Variants in OTUD7A observed in about 807,000 individuals in gnomAD.
OTUD7A encodes the protein OTU deubiquitinase 7A.
In OTUD7A, 12 loss-of-function variants were observed where a neutral mutation model predicts 65.7. The ratio of observed to expected loss-of-function variants is 0.18; its 90% confidence interval spans 0.12 to 0.30. OTUD7A has a LOEUF of 0.30. Ranked by LOEUF, OTUD7A falls within the 10% of genes least tolerant of loss-of-function variation. OTUD7A has a pLI of 1.00. For synonymous variants in OTUD7A, 641 were observed against 586.3 expected, an observed-to-expected ratio of 1.09 and a Z score of -1.35; for missense variants, 1,148 against 1,304.8, an observed-to-expected ratio of 0.88 and a Z score of 1.85.
At chr15:31,797,610 T>C (rs928165351) in intron 1 of OTUD7A, among the ~76,000 whole-genome samples, 3 of 152,166 alleles carry the variant, frequency 2.0e-5, no homozygotes, top group Non-Finnish European at 4.4e-5. Flanking sequence ...ACAGCCCCCA[T>C]TCCTCAGGTG....
intron 1 of OTUD7A, among the ~76,000 whole-genome samples, chr15:31,785,242 C>T (rs905683351): frequency 4.6e-5 from 7 of 152,116 alleles, no homozygotes; most frequent in Non-Finnish European, 7.4e-5. Context: ...TACACACTGA[C>T]GCATGTAAAC....
Position 31,483,703 on chromosome 15 carries a change from A to G in OTUD7A, c.2393T>C (p.Leu798Pro). 8.7e-7 allele frequency: 1 copy of G among 1,150,958 alleles called. No homozygotes were observed. The allele number at this position is 1,150,958 out of a possible 1,614,324, so 71.3% of individuals were successfully genotyped here. A position where few individuals can be genotyped will look rare whatever the true frequency, so the allele number is the denominator to read the frequency against. The change falls in exon 13 of 13, where the codon CTG becomes CCG. Residue 798 changes from leucine to proline, a missense_variant. Physicochemically the swap from Leu to Pro is moderately conservative, Grantham distance 98. Transcript: ENST00000307050. ...DEACAPAVGA[L>P]RPCATYPQQN... ...CTGCGGGTACGTGGCGCACGGCCGCAGCGCCCCCACGGCCGGCGCGCACGC... is the reference window on the plus strand; with the variant it reads ...CTGCGGGTACGTGGCGCACGGCCGCGGCGCCCCCACGGCCGGCGCGCACGC...
rs193174937 is a variant in OTUD7A, at chr15:31,768,271, G to T, written c.-100+102236C>A. 4.1e-5 allele frequency: 30 copies of T among 738,300 alleles called. No individual in the cohort carries two copies. In the East Asian group the frequency reaches 4.8e-4, roughly 12 times the overall value. 45.7% of individuals were successfully genotyped at this position (738,300 alleles called of 1,614,324 possible). A position where few individuals can be genotyped will look rare whatever the true frequency, so the allele number is the denominator to read the frequency against. On this transcript the variant is annotated intron_variant, in intron 1 of 12. Transcript: ENST00000307050. Reference sequence around the variant, plus strand: ...CTCAAGACCCAGCAGCCCGGGCAGCGGCGAGTCTCGGCACAACCATTGGCT... The same window carrying T: ...CTCAAGACCCAGCAGCCCGGGCAGCTGCGAGTCTCGGCACAACCATTGGCT...
At chr15:31,767,253 A>C in intron 1 of OTUD7A, 1 of 894,438 alleles carries the variant, frequency 1.1e-6, no homozygotes, top group African/African-American at 1.7e-5. Context: ...TCTATCTGAA[A>C]CTGTTATGTA....
chr15:31,667,760 C>T (rs1892361348), intron 1 of OTUD7A, among the ~76,000 whole-genome samples: 1 of 152,030 alleles, frequency 6.6e-6, no homozygotes, highest in Non-Finnish European at 1.5e-5. Flanking sequence ...GTGATTTATG[C>T]TTTACAAAGT....
At chr15:31,777,154 G>A (rs1389132897) in intron 1 of OTUD7A, among the ~76,000 whole-genome samples, 13 of 152,116 alleles carry the variant, frequency 8.5e-5, no homozygotes, top group Admixed American at 8.5e-4. Context: ...AGTCTGAACA[G>A]GGCCCTGCTC....
intron 1 of OTUD7A, among the ~76,000 whole-genome samples, chr15:31,832,703 G>GT (rs1327126319): frequency 1.3e-5 from 2 of 152,152 alleles, no homozygotes; most frequent in African/African-American, 2.4e-5. Context: ...TTTAGTATGT[G>GT]TTTTTTGTGA....
intron 1 of OTUD7A, among the ~76,000 whole-genome samples, chr15:31,848,518 T>C (rs766477756): frequency 2.6e-5 from 4 of 152,214 alleles, no homozygotes; most frequent in Admixed American, 6.5e-5. Flanking sequence ...AGTCCACAAA[T>C]AGGCTCCAGA....
At chr15:31,544,432 A>C (rs1191355880) in intron 5 of OTUD7A, among the ~76,000 whole-genome samples, 4 of 151,664 alleles carry the variant, frequency 2.6e-5, no homozygotes, top group African/African-American at 4.8e-5. Context: ...GGAAAGAGAA[A>C]GAGAGAATGA....
intron 3 of OTUD7A, among the ~76,000 whole-genome samples, chr15:31,610,357 G>C (rs1463838872): frequency 6.6e-6 from 1 of 151,534 alleles, no homozygotes; most frequent in Non-Finnish European, 1.5e-5. Flanking sequence ...AATAAGAGTG[G>C]GGAACTTTAA....
At chr15:31,490,280 G>A (rs528516107) in intron 10 of OTUD7A, among the ~76,000 whole-genome samples, 25 of 152,304 alleles carry the variant, frequency 1.6e-4, no homozygotes, top group South Asian at 1.2e-3. Flanking sequence ...TAAAAAGGCC[G>A]GAAAGGTGTT....
At chr15:31,742,790 A>G (rs1566998515) in intron 1 of OTUD7A, among the ~76,000 whole-genome samples, 2 of 152,158 alleles carry the variant, frequency 1.3e-5, no homozygotes, top group Non-Finnish European at 2.9e-5. Flanking sequence ...TATATATGAC[A>G]TGCAAACTGT....
At chr15:31,830,155 T>C (rs530405230) in intron 1 of OTUD7A, among the ~76,000 whole-genome samples, 2 of 152,320 alleles carry the variant, frequency 1.3e-5, no homozygotes, top group East Asian at 3.9e-4. Context: ...CCCAGGTTTA[T>C]GCCTTAAATC....
chr15:31,659,674 G>A (rs1052996165), intron 1 of OTUD7A, among the ~76,000 whole-genome samples: 1 of 152,256 alleles, frequency 6.6e-6, no homozygotes, highest in African/African-American at 2.4e-5. Context: ...CTGCCTGGGA[G>A]GCAGGTGGTT....
chr15:31,679,817 T>C (rs999907562), intron 1 of OTUD7A, among the ~76,000 whole-genome samples: 18 of 152,004 alleles, frequency 1.2e-4, no homozygotes, highest in Admixed American at 3.9e-4. Context: ...ATAAAACTGA[T>C]AATAGCAAAA....
chr15:31,517,068 A>G (rs2041869565), intron 8 of OTUD7A, among the ~76,000 whole-genome samples: 5 of 152,226 alleles, frequency 3.3e-5, no homozygotes, highest in Non-Finnish European at 1.5e-5. Context: ...CAGGAGCCAC[A>G]AAGCCATCTG....
chr15:31,616,530 A>G (rs1036886200), intron 3 of OTUD7A, among the ~76,000 whole-genome samples: 1 of 152,186 alleles, frequency 6.6e-6, no homozygotes, highest in Non-Finnish European at 1.5e-5. Flanking sequence ...TAAACTAAGA[A>G]TAGCTTTTAC....
chr15:31,622,667 A>G (rs1231717728), intron 3 of OTUD7A, among the ~76,000 whole-genome samples: 1 of 152,158 alleles, frequency 6.6e-6, no homozygotes, highest in African/African-American at 2.4e-5. Context: ...CCATTCGTCT[A>G]ATCTTTTTTC....
intron 3 of OTUD7A, among the ~76,000 whole-genome samples, chr15:31,593,841 C>A (rs911248876): frequency 5.9e-5 from 9 of 152,176 alleles, no homozygotes; most frequent in Non-Finnish European, 1.5e-5. Flanking sequence ...CTCTGCCATT[C>A]CCCCGATGTG....
Sources: gnomAD v4.1 joint callset for allele counts (sites outside exome capture counted in the v4.1 genomes callset) on GRCh38, gnomAD v4.1.1 for gene constraint, MANE v1.5 for transcripts, NCBI Gene and HGNC (gene_info 2026-07-23, HGNC 2026-07-21) for gene names.